Variants in ZNF888 observed in about 807,000 individuals in gnomAD.
The protein encoded by ZNF888 is CTD-2331H12.6.
Under a neutral mutation model 7.2 loss-of-function variants are expected in ZNF888, and 5 were observed. The ratio of observed to expected loss-of-function variants is 0.70; its 90% confidence interval spans 0.36 to 1.46. The LOEUF is 1.46. ZNF888 is among the 40% of genes most tolerant of loss of function. The probability of loss-of-function intolerance (pLI) is 0.03; values close to 1 mark genes in which losing one functional copy is unlikely to be tolerated. For synonymous variants in ZNF888, 240 were observed against 284.3 expected, an observed-to-expected ratio of 0.84 and a Z score of 1.57; for missense variants, 716 against 858.0, an observed-to-expected ratio of 0.83 and a Z score of 2.07.
At position 52,906,306 on chromosome 19, in the gene ZNF888, C is replaced by T. The variant is rs1290213857; in HGVS notation, c.2016G>A (p.Lys672=). 3 of 1,612,362 alleles carry T rather than the reference C, an allele frequency of 1.9e-6. No homozygotes were observed. The highest frequency in any genetic ancestry group is 2.5e-6 in the Non-Finnish European group (3 of 1,179,246). ...YKCKVCDKAF[K]CYSHLAQHTR... Reference sequence around the variant, plus strand: ...TATGTTGTGCCAGGTGTGAGTAACACTTGAAAGCCTTGTCACAAACCTTAC... The same window carrying T: ...TATGTTGTGCCAGGTGTGAGTAACATTTGAAAGCCTTGTCACAAACCTTAC... Residue 672 remains lysine (K), a synonymous_variant, in exon 5 of 5, where the codon AAG becomes AAA. Coordinates refer to ENST00000638862, the MANE Select transcript of ZNF888 (RefSeq NM_001393938.1).
intron 1 of ZNF888, 98 bp downstream of exon 1, chr19:52,923,271 G>T (rs2064843046): frequency 1.0e-6 from 1 of 983,240 alleles, no homozygotes. Context: ...AAGGAAGAAG[G>T]GCGAGAATTT....
At position 52,907,458 on chromosome 19, in the gene ZNF888, A is replaced by G; in HGVS notation, c.864T>C (p.His288=). Residue 288 remains histidine, a synonymous_variant, in exon 5 of 5, where the codon CAT becomes CAC. Transcript: ENST00000638862. ...VFNKKAYLAR[H]YRRHTGEKPY... ...GTTTTTCTCCAGTATGACGTCTATAATGACGTGCAAGGTATGCTTTTTTAT... is the reference window on the plus strand; with the variant it reads ...GTTTTTCTCCAGTATGACGTCTATAGTGACGTGCAAGGTATGCTTTTTTAT... The G allele has an allele frequency of 6.2e-7, 1 of 1,607,792 alleles. No individual in the cohort carries two copies. The highest frequency in any genetic ancestry group is 1.3e-5 in the African/African-American group (1 of 74,738).
At position 52,920,507 on chromosome 19, in the gene ZNF888, A is replaced by G. The variant is rs867365383; in HGVS notation, c.-177-1570T>C. Among the ~76,000 whole-genome samples the G allele has an allele frequency of 6.3e-3, 209 of 33,222 alleles. 11 individuals carry two copies. Among genetic ancestry groups the G allele is most frequent in the African/African-American group, 0.014 (104 of 7,304 alleles). The allele number at this position is 33,222 out of a possible 152,430, so 21.8% of individuals were successfully genotyped here. On this transcript the variant is annotated intron_variant, in intron 1 of 4. Coordinates refer to ENST00000638862, the MANE Select transcript of ZNF888 (RefSeq NM_001393938.1). ...TTGAAGGCAAAAAAAAAAAAAAAAAAAAAAAAAAAGAAAAAAAAAGAAAAG... is the reference window on the plus strand; with the variant it reads ...TTGAAGGCAAAAAAAAAAAAAAAAAGAAAAAAAAAGAAAAAAAAAGAAAAG...
In ZNF888 at chr19:52,907,034, T is replaced by C. The variant is rs1396619433; in HGVS notation, c.1288A>G (p.Thr430Ala). 1 of 1,611,070 alleles carries C rather than the reference T, an allele frequency of 6.2e-7. No homozygotes were observed. The highest frequency in any genetic ancestry group is 2.2e-5 in the East Asian group (1 of 44,714). ...TAAGGTTTCTCTCCAGTATGAATTG[T>C]CTTGTGAACTAAGAGGGCTGAATTT... ...GENSALLVHKTIHTGEKPYKC... is the reference protein window; with the variant it reads ...GENSALLVHKAIHTGEKPYKC... The change falls in exon 5 of 5, where the codon ACA becomes GCA. Residue 430 changes from threonine (T) to alanine (A), a missense_variant. Thr to Ala is a moderately conservative substitution (Grantham distance 58). This residue lies in a region of ZNF888 where 697 missense variants were observed against 803.4 expected (regional missense o/e 0.87). Transcript: ENST00000638862.
chr19:52,908,272 T>G, intron 4 of ZNF888, 93 bp from the exon 5 acceptor site: 1 of 1,236,364 alleles, frequency 8.1e-7, no homozygotes, highest in Non-Finnish European at 1.2e-6. Context: ...CAATACTTAT[T>G]TTAAACATCT....
Position 52,923,412 on chromosome 19 carries a change from C to T in ZNF888, c.-221G>A. 5 of 985,388 alleles carry T rather than the reference C, an allele frequency of 5.1e-6. No homozygotes were observed. The highest frequency in any genetic ancestry group is 6.0e-6 in the Non-Finnish European group (5 of 830,018). 61.0% of individuals were successfully genotyped at this position (985,388 alleles called of 1,614,324 possible). A position where few individuals can be genotyped will look rare whatever the true frequency, so the allele number is the denominator to read the frequency against. ...AGTCCACGCGATCCGCTTCCTGGTC[C>T]GGGCGAATCTACAAGCACAGGACAG... On this transcript the variant is annotated 5_prime_UTR_variant, in exon 1 of 5. Coordinates refer to ENST00000638862, the MANE Select transcript of ZNF888 (RefSeq NM_001393938.1).
Position 52,906,617 on chromosome 19 carries a change from G to C in ZNF888, c.1705C>G (p.His569Asp), listed in dbSNP as rs1265039094. Residue 569 changes from histidine (H) to aspartate (D), a missense_variant, in exon 5 of 5, where the codon CAT (histidine) becomes GAT (aspartate). His to Asp is a moderately conservative substitution (Grantham distance 81). This residue lies in a region of ZNF888 where 697 missense variants were observed against 803.4 expected (regional missense o/e 0.87). Transcript: ENST00000638862. The stretch of plus-strand genomic sequence containing the variant: ...GGTTTCTCTCCAGTATGAAGTCTAT[G>C]ATGATATGCAAGGCTTGATTTGTGA... Reference protein sequence around the residue: ...FNHKSSLAYHHRLHTGEKPYK... With the variant: ...FNHKSSLAYHDRLHTGEKPYK... 1 of 1,612,648 alleles carries C rather than the reference G, an allele frequency of 6.2e-7. No individual in the cohort carries two copies. The highest frequency in any genetic ancestry group is 1.3e-5 in the African/African-American group (1 of 74,576).
chr19:52,908,559 T>C (rs920910049), intron 4 of ZNF888, among the ~76,000 whole-genome samples: 4 of 152,138 alleles, frequency 2.6e-5, no homozygotes, highest in Non-Finnish European at 5.9e-5. Context: ...TGTATAGAAA[T>C]AAATGCTAAA....
intron 4 of ZNF888, chr19:52,913,872 T>C (rs182942777): frequency 0.014 from 5,876 of 433,862 alleles, 72 homozygotes; most frequent in Non-Finnish European, 0.016. Context: ...ACGCCTGTAA[T>C]CCCAGCCCTT....
chr19:52,910,636 C>T lies in ZNF888; in HGVS notation c.143-2457G>A, dbSNP rs566955701. On this transcript the variant is annotated intron_variant, in intron 4 of 4. Transcript: ENST00000638862. ...TAAAGAGACATTAAAGAGCTCATTG[C>T]CTGTTCCTCTTTCCACCATGTTAGG... Among the ~76,000 whole-genome samples the T allele has an allele frequency of 3.1e-3, 467 of 152,202 alleles. 1 individual carries two copies. Among genetic ancestry groups the T allele is most frequent in the Non-Finnish European group, 3.6e-3 (248 of 68,016 alleles).
At chr19:52,908,549 T>C (rs2064638566) in intron 4 of ZNF888, among the ~76,000 whole-genome samples, 2 of 152,156 alleles carry the variant, frequency 1.3e-5, no homozygotes, top group Admixed American at 6.5e-5. Context: ...GCATATTTAC[T>C]GTATAGAAAT....
chr19:52,911,362 G>A (rs1432674845), intron 4 of ZNF888, among the ~76,000 whole-genome samples: 2 of 146,782 alleles, frequency 1.4e-5, no homozygotes, highest in Non-Finnish European at 3.0e-5. Context: ...TTTTTGAGAC[G>A]GAGTCTTGCT....
At chr19:52,908,839 C>T (rs1477474622) in intron 4 of ZNF888, among the ~76,000 whole-genome samples, 1 of 94,504 alleles carries the variant, frequency 1.1e-5, no homozygotes, top group East Asian at 2.6e-4. Context: ...AAGTGAGACT[C>T]GAGTCAAAAA....
rs1158232118 is a variant in ZNF888, at chr19:52,919,848, G to A, written c.-177-911C>T. Among the ~76,000 whole-genome samples the A allele has an allele frequency of 8.7e-5, 5 of 57,354 alleles. 2 individuals are homozygous for A. The highest frequency in any genetic ancestry group is 1.8e-4 in the African/African-American group (3 of 16,906). 37.6% of individuals were successfully genotyped at this position (57,354 alleles called of 152,430 possible). A position where few individuals can be genotyped will look rare whatever the true frequency, so the allele number is the denominator to read the frequency against. On this transcript the variant is annotated intron_variant, in intron 1 of 4. Coordinates refer to ENST00000638862, the MANE Select transcript of ZNF888 (RefSeq NM_001393938.1). ...AGGTGAGGAGCGTCTCTGCCCGGCC[G>A]CCCCGTCTGAGAAGTGAGGAAACCC...
At chr19:52,908,508 A>G (rs1292235636) in intron 4 of ZNF888, among the ~76,000 whole-genome samples, 1 of 152,222 alleles carries the variant, frequency 6.6e-6, no homozygotes, top group Non-Finnish European at 1.5e-5. Flanking sequence ...TAACAACAAA[A>G]AGAAGAAAAT....
At chr19:52,912,314 C>A (rs560066376) in intron 4 of ZNF888, among the ~76,000 whole-genome samples, 3,663 of 149,658 alleles carry the variant, frequency 0.024, 55 homozygotes, top group Non-Finnish European at 0.039. Context: ...GGGGTTTCAC[C>A]ATGTTAGCCA....
intron 4 of ZNF888, among the ~76,000 whole-genome samples, chr19:52,908,801 G>A (rs371747204): frequency 2.8e-5 from 4 of 140,382 alleles, no homozygotes; most frequent in South Asian, 2.3e-4. Context: ...AGCCAACATC[G>A]CACCACTGCA....
In ZNF888 at chr19:52,906,109, C is replaced by T; in HGVS notation, c.*56G>A. 1 of 1,611,236 alleles carries T rather than the reference C, an allele frequency of 6.2e-7. No homozygotes were observed. On this transcript the variant is annotated 3_prime_UTR_variant, in exon 5 of 5. Transcript: ENST00000638862. ...GTAAGATCTCTATTCATTATGGATT[C>T]TTCAATGATTTGCAATGGTTGTAGC...
rs1330278974 is a variant in ZNF888 at position 52,920,107 on chromosome 19, A to G, written c.-177-1170T>C. Among the ~76,000 whole-genome samples, 2 of 51,914 alleles carry G rather than the reference A, an allele frequency of 3.9e-5. 1 individual carries two copies. The highest frequency in any genetic ancestry group is 7.0e-4 in the East Asian group (2 of 2,854). The allele number at this position is 51,914 out of a possible 152,430, so 34.1% of individuals were successfully genotyped here. ...CGCCCGGCCAGCCGCCCTATCCAGG[A>G]GGTGAGGGGCGCCTCTGCCCGGCCG... On this transcript the variant is annotated intron_variant, in intron 1 of 4. Coordinates refer to ENST00000638862, the MANE Select transcript of ZNF888 (RefSeq NM_001393938.1).
Sources: gnomAD v4.1 joint callset for allele counts (sites outside exome capture counted in the v4.1 genomes callset) on GRCh38, gnomAD v4.1.1 for gene constraint, gnomAD v4.1.1 regional missense constraint, MANE v1.5 for transcripts, NCBI Gene and HGNC (gene_info 2026-07-23, HGNC 2026-07-21) for gene names.